Variants in ARSG observed in about 807,000 individuals in gnomAD.
ARSG encodes the protein ASG.
Under a neutral mutation model 50.5 loss-of-function variants are expected in ARSG, and 37 were observed. The ratio of observed to expected loss-of-function variants is 0.73; its 90% CI spans 0.56 to 0.96. The LOEUF (loss-of-function observed/expected upper bound fraction) is 0.96, where lower values mean the gene tolerates loss of function less well. Among genes scored for constraint, ARSG ranks in the 50% least tolerant of loss-of-function variants. The pLI is 0.00. For synonymous variants in ARSG, 225 were observed against 254.6 expected (o/e 0.88, Z 1.11); for missense variants, 629 against 675.3 (o/e 0.93, Z 0.76).
intron 2 of ARSG, 113 bp downstream of exon 2, chr17:68,307,824 T>G: frequency 1.6e-6 from 1 of 635,258 alleles, no homozygotes; most frequent in Non-Finnish European, 2.8e-6. Flanking sequence ...CATGCTGATT[T>G]AGTTAATTTA....
exon 1 of ARSG, chr17:68,259,299 C>T (rs1359217518): frequency 6.6e-6 from 1 of 152,236 alleles, no homozygotes; most frequent in African/African-American, 2.4e-5. Flanking sequence ...TTGGCTTCCC[C>T]TGGCGTCAGC....
Position 68,378,334 on chromosome 17 carries a change from G to C in ARSG, c.983-6730G>C, listed in dbSNP as rs986012679. On this transcript the variant is annotated intron_variant, in intron 8 of 11. Transcript: ENST00000621439. The surrounding 1 kb of genome is among the most constrained non-coding windows in gnomAD (Gnocchi z 4.4). The stretch of plus-strand genomic sequence containing the variant: ...AAGCCAGGCTGCTGCGTCAGGCCAC[G>C]TGCTGTCTTCCCCTGTTCTCAGGGC... Among the ~76,000 whole-genome samples the C allele has an allele frequency of 6.6e-6, 1 of 152,206 alleles. No homozygotes were observed. The highest frequency in any genetic ancestry group is 1.5e-5 in the Non-Finnish European group (1 of 68,028).
intron 2 of ARSG, among the ~76,000 whole-genome samples, chr17:68,314,566 G>GT (rs1344405785): frequency 4.0e-5 from 6 of 151,430 alleles, no homozygotes; most frequent in African/African-American, 1.2e-4. Flanking sequence ...TGTAAACCAG[G>GT]TGTGGTGTTG....
chr17:68,283,108 CAG>C (rs2075749819), intron 1 of ARSG: 2 of 151,888 alleles, frequency 1.3e-5, no homozygotes, highest in South Asian at 4.2e-4. Flanking sequence ...GCCTGAATGA[CAG>C]AGCAAGACCC....
intron 1 of ARSG, among the ~76,000 whole-genome samples, chr17:68,306,286 A>G (rs765220064): frequency 6.6e-6 from 1 of 151,902 alleles, no homozygotes; most frequent in Non-Finnish European, 1.5e-5. Flanking sequence ...ACAGGTGTGA[A>G]CCACCGCTCC....
chr17:68,385,436 G>A (rs2080664283), intron 9 of ARSG, among the ~76,000 whole-genome samples: 1 of 151,640 alleles, frequency 6.6e-6, no homozygotes, highest in Non-Finnish European at 1.5e-5. Flanking sequence ...GGCTGAGGCA[G>A]GAGGATTGCT....
intron 6 of ARSG, among the ~76,000 whole-genome samples, chr17:68,357,842 T>G (rs1389291655): frequency 6.6e-6 from 1 of 152,190 alleles, no homozygotes; most frequent in African/African-American, 2.4e-5. Context: ...CATCTTTTCA[T>G]TTTACAACAG....
At chr17:68,331,245 C>CTTTG (rs2077750374) in intron 2 of ARSG, among the ~76,000 whole-genome samples, 6 of 92,508 alleles carry the variant, frequency 6.5e-5, no homozygotes, top group Admixed American at 1.1e-4. Context: ...TTCTTTCTTT[C>CTTTG]TTTCTTTCTT....
rs550251511 is a variant in ARSG at position 68,309,864 on chromosome 17, A to T, written c.218+2153A>T. On this transcript the variant is annotated intron_variant, in intron 2 of 11. Coordinates refer to ENST00000621439, the MANE Select transcript of ARSG (RefSeq NM_001267727.2). ...ATAAGAGTGAGACTCTGTCTAAAAA[A>T]AAATAAATAAAATAAAAAAGTAAAT... 1.8e-4 allele frequency among the ~76,000 whole-genome samples: 28 copies of T among 152,136 alleles called. No homozygotes were observed. The East Asian group carries it at 3.1e-3, about 17-fold the overall frequency.
chr17:68,314,931 C>G (rs917768399), intron 2 of ARSG, among the ~76,000 whole-genome samples: 6 of 152,198 alleles, frequency 3.9e-5, no homozygotes, highest in Non-Finnish European at 7.3e-5. Context: ...AATCCCTATG[C>G]TGGCTGTGCA....
At chr17:68,312,062 A>G (rs2076880875) in intron 2 of ARSG, among the ~76,000 whole-genome samples, 1 of 152,146 alleles carries the variant, frequency 6.6e-6, no homozygotes, top group South Asian at 2.1e-4. Context: ...GGCCTCCCAA[A>G]GTGCTGCGAT....
chr17:68,412,555 T>C (rs2082069719), intron 11 of ARSG, among the ~76,000 whole-genome samples: 1 of 152,208 alleles, frequency 6.6e-6, no homozygotes, highest in African/African-American at 2.4e-5. Context: ...CCCTTAACAT[T>C]TTTTCCTTCA....
chr17:68,426,254 G>GGGGGGGGGGGGGGGGCCCCCCC, downstream of ARSG: 1 of 816,920 alleles, frequency 1.2e-6, no homozygotes, highest in Non-Finnish European at 1.9e-6. Context: ...GGGAGCGGGG[G>GGGGGGGGGGGGGGGGCCCCCCC]CTCAAATAAA....
chr17:68,350,770 G>A (rs1321466256), intron 4 of ARSG, among the ~76,000 whole-genome samples: 1 of 151,188 alleles, frequency 6.6e-6, no homozygotes, highest in Non-Finnish European at 1.5e-5. Context: ...GGGTGACAGA[G>A]CGAGACTCCG....
chr17:68,276,087 C>T (rs527657708), intron 1 of ARSG, among the ~76,000 whole-genome samples: 69 of 151,892 alleles, frequency 4.5e-4, no homozygotes, highest in Admixed American at 1.8e-3. Context: ...AGATAAATTT[C>T]TCTCTCTCTC....
In ARSG at chr17:68,331,241, C is replaced by G. The variant is rs62087159; in HGVS notation, c.219-12363C>G. Among the ~76,000 whole-genome samples the G allele has an allele frequency of 6.5e-4, 54 of 82,608 alleles. 1 individual carries two copies. The highest frequency in any genetic ancestry group is 1.3e-3 in the African/African-American group (31 of 23,020). The allele number at this position is 82,608 out of a possible 152,430, so 54.2% of individuals were successfully genotyped here. ...TCTTTCTTTCTTTCTTTGTTTCTTT[C>G]TTTCTTTCTTTCTTTCTTTCTTTTT... On this transcript the variant is annotated intron_variant, in intron 2 of 11. Transcript: ENST00000621439.
At position 68,390,630 on chromosome 17, in the gene ARSG, AT is replaced by A. The variant is rs879276732; in HGVS notation, c.1092-4433del. On this transcript the variant is annotated intron_variant, in intron 9 of 11. Transcript: ENST00000621439. Reference sequence around the variant, plus strand: ...GTGCCAGAGTCCATGGAATTTTGGAATTTTTTTTTTAAGATGGAATTTCCCT... The same window carrying A: ...GTGCCAGAGTCCATGGAATTTTGGAATTTTTTTTTAAGATGGAATTTCCCT... 3.3e-3 allele frequency among the ~76,000 whole-genome samples: 494 copies of A among 149,762 alleles called. 2 individuals carry two copies. The highest frequency in any genetic ancestry group is 9.5e-3 in the Admixed American group (142 of 14,990).
chr17:68,274,149 C>T (rs1444556096), intron 1 of ARSG: 1 of 1,448,200 alleles, frequency 6.9e-7, no homozygotes, highest in Non-Finnish European at 9.5e-7. Flanking sequence ...TCCTCCACGT[C>T]TTGCACATGG....
intron 2 of ARSG, among the ~76,000 whole-genome samples, chr17:68,337,345 A>G (rs1270304556): frequency 1.3e-5 from 2 of 152,098 alleles, no homozygotes; most frequent in Non-Finnish European, 2.9e-5. Context: ...GCTGTCTGAG[A>G]CTTCCCAGAG....
Sources: gnomAD v4.1 joint callset for allele counts (sites outside exome capture counted in the v4.1 genomes callset) on GRCh38, gnomAD v4.1.1 for gene constraint, Gnocchi (gnomAD v3.1) non-coding constraint, MANE v1.5 for transcripts, NCBI Gene and HGNC (gene_info 2026-07-23, HGNC 2026-07-21) for gene names.